Variants in ATXN7L1 observed in about 807,000 individuals in gnomAD.
ATXN7L1 encodes ataxin 7 like 1.
In ATXN7L1, 15 loss-of-function variants were observed where a neutral mutation model predicts 70.8. That is an observed-to-expected ratio of 0.21 (90% confidence interval 0.14 to 0.33). The LOEUF (loss-of-function observed/expected upper bound fraction) is 0.33, where lower values mean the gene tolerates loss of function less well. Among genes scored for constraint, ATXN7L1 ranks in the 10% least tolerant of loss-of-function variants. The probability of loss-of-function intolerance (pLI) is 1.00; values close to 1 mark genes in which losing one functional copy is unlikely to be tolerated. For missense variants in ATXN7L1, 975 were observed against 1,097.1 expected, an observed-to-expected ratio of 0.89 and a Z score of 1.57; for synonymous variants, 440 against 445.1, an observed-to-expected ratio of 0.99 and a Z score of 0.14.
At chr7:105,870,111 C>A (rs1392108820) in intron 2 of ATXN7L1, among the ~76,000 whole-genome samples, 1 of 151,992 alleles carries the variant, frequency 6.6e-6, no homozygotes, top group Non-Finnish European at 1.5e-5. Flanking sequence ...GAAACCCAGC[C>A]TCTACTAAAA....
At chr7:105,869,430 T>G (rs1441788527) in intron 2 of ATXN7L1, among the ~76,000 whole-genome samples, 1 of 152,164 alleles carries the variant, frequency 6.6e-6, no homozygotes, top group Admixed American at 6.5e-5. Context: ...CCCATAAATC[T>G]CCATGGCCTG....
intron 3 of ATXN7L1, among the ~76,000 whole-genome samples, chr7:105,689,043 G>A (rs925813494): frequency 6.6e-6 from 1 of 152,200 alleles, no homozygotes; most frequent in African/African-American, 2.4e-5. Flanking sequence ...AAGGTTTGAC[G>A]AAATTACACA....
intron 2 of ATXN7L1, among the ~76,000 whole-genome samples, chr7:105,796,617 T>C (rs183245375): frequency 6.6e-6 from 1 of 152,292 alleles, no homozygotes; most frequent in Admixed American, 6.5e-5. Flanking sequence ...CAAGGATATG[T>C]GATTCACTCC....
chr7:105,655,099 A>T (rs370936919), intron 4 of ATXN7L1, among the ~76,000 whole-genome samples: 3 of 152,116 alleles, frequency 2.0e-5, no homozygotes, highest in African/African-American at 4.8e-5. Flanking sequence ...TTCCTCCCAA[A>T]GCTGGATTCC....
intron 3 of ATXN7L1, among the ~76,000 whole-genome samples, chr7:105,778,344 C>CAA (rs10639727): frequency 0.17 from 17,577 of 104,412 alleles, 1,451 homozygotes; most frequent in Middle Eastern, 0.23. Context: ...CGCATCTCTA[C>CAA]AAAAAAAAAA....
intron 7 of ATXN7L1, among the ~76,000 whole-genome samples, chr7:105,632,921 TAAAAAAAAAAA>T (rs11417434): frequency 5.0e-5 from 3 of 60,042 alleles, no homozygotes; most frequent in Non-Finnish European, 2.7e-5. Context: ...ATCTTGTCTT[TAAAAAAAAAAA>T]AAAAAAAAAA....
chr7:105,751,566 G>T (rs977056892), intron 3 of ATXN7L1, among the ~76,000 whole-genome samples: 3 of 152,148 alleles, frequency 2.0e-5, no homozygotes, highest in Admixed American at 2.0e-4. Context: ...AGCCCAGGAA[G>T]TCGAAGCTGC....
At chr7:105,807,028 C>T (rs1047997516) in intron 2 of ATXN7L1, among the ~76,000 whole-genome samples, 1 of 152,218 alleles carries the variant, frequency 6.6e-6, no homozygotes, top group Non-Finnish European at 1.5e-5. Context: ...CACCTGGCCT[C>T]CTGGGCCAGG....
intron 3 of ATXN7L1, among the ~76,000 whole-genome samples, chr7:105,665,795 G>C (rs956249587): frequency 2.0e-5 from 3 of 152,206 alleles, no homozygotes; most frequent in African/African-American, 7.2e-5. Flanking sequence ...TGCAAGCGAG[G>C]AAGTGGCCCA....
At chr7:105,869,127 C>T (rs989264956) in intron 2 of ATXN7L1, among the ~76,000 whole-genome samples, 2 of 152,224 alleles carry the variant, frequency 1.3e-5, no homozygotes, top group African/African-American at 4.8e-5. Context: ...CCAAGCCCTT[C>T]CCTTCTCCGT....
chr7:105,717,668 C>A (rs901091238), intron 3 of ATXN7L1, among the ~76,000 whole-genome samples: 3 of 152,158 alleles, frequency 2.0e-5, no homozygotes, highest in Non-Finnish European at 4.4e-5. Context: ...TTTACATAAC[C>A]AGCAGCTTGA....
intron 3 of ATXN7L1, among the ~76,000 whole-genome samples, chr7:105,693,573 ATCCATCCATCT>A (rs1000237363): frequency 7.7e-4 from 82 of 106,110 alleles, no homozygotes; most frequent in East Asian, 2.6e-3. Context: ...CCATCCATCC[ATCCATCCATCT>A]AATTTGAAGA....
At chr7:105,788,562 C>A in intron 3 of ATXN7L1, 42 bp downstream of exon 3, 1 of 1,487,246 alleles carries the variant, frequency 6.7e-7, no homozygotes, top group Non-Finnish European at 9.4e-7. Flanking sequence ...GTCCCCAGGG[C>A]GGCAGCTGCA....
chr7:105,722,283 C>G (rs1041330659), intron 3 of ATXN7L1, among the ~76,000 whole-genome samples: 2 of 152,094 alleles, frequency 1.3e-5, no homozygotes, highest in African/African-American at 2.4e-5. Context: ...GATACAAAGG[C>G]CGGGCACAGT....
At chr7:105,728,105 T>G (rs887622950) in intron 3 of ATXN7L1, among the ~76,000 whole-genome samples, 3 of 152,090 alleles carry the variant, frequency 2.0e-5, no homozygotes, top group Non-Finnish European at 4.4e-5. Flanking sequence ...AGATAAAATG[T>G]TAAATTAAAA....
chr7:105,765,219 AGCTACTCAGGAGGCTGAG>A (rs1468348197), intron 3 of ATXN7L1, among the ~76,000 whole-genome samples: 3 of 151,934 alleles, frequency 2.0e-5, no homozygotes, highest in South Asian at 2.1e-4. Flanking sequence ...CTGTAATCCC[AGCTACTCAGGAGGCTGAG>A]GCAGGAGAAT....
intron 3 of ATXN7L1, among the ~76,000 whole-genome samples, chr7:105,770,290 T>TGTACATACA (rs1191075583): frequency 5.3e-5 from 8 of 152,252 alleles, no homozygotes; most frequent in African/African-American, 1.9e-4. Flanking sequence ...TACAATGCTT[T>TGTACATACA]ACTCAGCGCT....
At chr7:105,619,140 G>GTTTTGTTTTTTTT (rs1794382228) in intron 9 of ATXN7L1, among the ~76,000 whole-genome samples, 1 of 49,844 alleles carries the variant, frequency 2.0e-5, no homozygotes, top group Non-Finnish European at 3.3e-5. Context: ...GAAATCTTTA[G>GTTTTGTTTTTTTT]TTTTTTTTTT....
chr7:105,809,932 A>G (rs886841811), intron 2 of ATXN7L1, among the ~76,000 whole-genome samples: 1 of 151,964 alleles, frequency 6.6e-6, no homozygotes, highest in Non-Finnish European at 1.5e-5. Context: ...CACCACATCC[A>G]CCTAATTTTT....
Sources: allele counts gnomAD v4.1 joint callset (sites outside exome capture counted in the v4.1 genomes callset), GRCh38; gene constraint gnomAD v4.1.1; transcripts MANE v1.5; gene names NCBI Gene and HGNC (gene_info 2026-07-23, HGNC 2026-07-21).